The following ST6GALNAC5 variants were observed in gnomAD, a reference collection of about 807,000 sequenced individuals.
ST6GALNAC5 encodes the protein alpha-N-acetylgalactosaminide alpha-2,6-sialyltransferase 5.
ST6GALNAC5 carries 27 observed loss-of-function variants against 33.6 expected under a neutral mutation model. The ratio of observed to expected loss-of-function variants is 0.80; its 90% CI spans 0.59 to 1.11. The LOEUF is 1.11. Among genes scored for constraint, ST6GALNAC5 ranks in the 50% least tolerant of loss-of-function variants. ST6GALNAC5 has a pLI of 0.00. For synonymous variants in ST6GALNAC5, 194 were observed against 171.2 expected (o/e 1.13, Z -1.04); for missense variants, 428 against 454.0 (o/e 0.94, Z 0.52).
At chr1:77,054,338 G>C (rs942265642) in intron 4 of ST6GALNAC5, among the ~76,000 whole-genome samples, 1 of 152,200 alleles carries the variant, frequency 6.6e-6, no homozygotes, top group African/African-American at 2.4e-5. Context: ...AGGTGGCATA[G>C]GGATAAGGAG....
chr1:76,990,164 C>T (rs568665607), intron 2 of ST6GALNAC5, among the ~76,000 whole-genome samples: 12 of 152,202 alleles, frequency 7.9e-5, no homozygotes, highest in Middle Eastern at 3.4e-3. Flanking sequence ...GGCTGCATGA[C>T]GCAGCCATGA....
chr1:76,991,631 A>G (rs12401292), intron 2 of ST6GALNAC5, among the ~76,000 whole-genome samples: 61,638 of 151,898 alleles, frequency 0.41, 13,272 homozygotes, highest in Non-Finnish European at 0.47. Context: ...AACTTTTTCT[A>G]TTCTTTGACA....
At chr1:77,013,454 G>T (rs533377194) in intron 2 of ST6GALNAC5, among the ~76,000 whole-genome samples, 1 of 152,144 alleles carries the variant, frequency 6.6e-6, no homozygotes, top group East Asian at 1.9e-4. Flanking sequence ...TTGATTTTAC[G>T]TATCGTCTTT....
rs145175104 is a variant in ST6GALNAC5 at position 77,066,319 on chromosome 1, GTC to G, written c.*3118_*3119del. Among the ~76,000 whole-genome samples, 27 of 152,132 alleles carry G rather than the reference GTC, an allele frequency of 1.8e-4. No homozygotes were observed. The East Asian group carries it at 5.2e-3, about 29-fold the overall frequency. ...TGTACCTAAAAGAGAAATTTGTGTG[GTC>G]TCTCACAATCCTTAGGTTACTACCA... On this transcript the variant is annotated 3_prime_UTR_variant, in exon 5 of 5. Coordinates refer to ENST00000477717, the MANE Select transcript of ST6GALNAC5 (RefSeq NM_030965.3).
intron 2 of ST6GALNAC5, among the ~76,000 whole-genome samples, chr1:76,897,255 G>C (rs1654166629): frequency 1.3e-5 from 2 of 152,152 alleles, no homozygotes; most frequent in Non-Finnish European, 2.9e-5. Flanking sequence ...AAGCAGGTTT[G>C]AGATCTGGAA....
rs572285723 is a variant in ST6GALNAC5, at chr1:76,868,364, C to T, written c.16-133C>T. On this transcript the variant is annotated intron_variant, in intron 1 of 4. Coordinates refer to ENST00000477717, the MANE Select transcript of ST6GALNAC5 (RefSeq NM_030965.3). This position sits in a 1 kb window ranked among gnomAD's most constrained non-coding sequence, Gnocchi z 4.3. ...GTGCTTTCTCTGTCCCAGTTGCGTGCGGCGGGGCTGGGGCCCAGGCCGCCC... is the reference window on the plus strand; with the variant it reads ...GTGCTTTCTCTGTCCCAGTTGCGTGTGGCGGGGCTGGGGCCCAGGCCGCCC... 2.2e-5 allele frequency: 29 copies of T among 1,335,826 alleles called. No homozygotes were observed. The African/African-American group carries it at 3.9e-4, about 18-fold the overall frequency. 82.7% of individuals were successfully genotyped at this position (1,335,826 alleles called of 1,614,324 possible).
chr1:77,027,756 T>C (rs1226538369), intron 2 of ST6GALNAC5, among the ~76,000 whole-genome samples: 1 of 152,162 alleles, frequency 6.6e-6, no homozygotes, highest in Non-Finnish European at 1.5e-5. Context: ...GCTTTAGACG[T>C]GTTTGGTGGT....
chr1:77,055,055 C>T (rs1008272473), intron 4 of ST6GALNAC5, among the ~76,000 whole-genome samples: 2 of 151,922 alleles, frequency 1.3e-5, no homozygotes, highest in African/African-American at 4.8e-5. Flanking sequence ...CTCTCCATCA[C>T]TTGTCTTCTT....
At chr1:76,944,242 T>C (rs917482894) in intron 2 of ST6GALNAC5, among the ~76,000 whole-genome samples, 1 of 152,138 alleles carries the variant, frequency 6.6e-6, no homozygotes, top group Admixed American at 6.6e-5. Flanking sequence ...TTTCTTTTTA[T>C]TATTTTAAAG....
intron 2 of ST6GALNAC5, among the ~76,000 whole-genome samples, chr1:76,998,041 C>A (rs1165549606): frequency 6.6e-6 from 1 of 152,130 alleles, no homozygotes; most frequent in African/African-American, 2.4e-5. Context: ...TGCTGCCCTG[C>A]GAAGAGGTGC....
At position 77,027,429 on chromosome 1, in the gene ST6GALNAC5, A is replaced by G. The variant is rs1651289245; in HGVS notation, c.262-16775A>G. Among the ~76,000 whole-genome samples the G allele has an allele frequency of 2.6e-5, 4 of 152,182 alleles. No homozygotes were observed. The South Asian group carries it at 8.3e-4, about 32-fold the overall frequency. On this transcript the variant is annotated intron_variant, in intron 2 of 4. Coordinates refer to ENST00000477717, the MANE Select transcript of ST6GALNAC5 (RefSeq NM_030965.3). ...TGTTGAAAACTGTGCCAAGCTCTGT[A>G]AATAAGACAACATCCCAAGGCAAGG...
At chr1:76,955,054 G>A (rs993606288) in intron 2 of ST6GALNAC5, among the ~76,000 whole-genome samples, 2 of 152,206 alleles carry the variant, frequency 1.3e-5, no homozygotes, top group Middle Eastern at 3.4e-3. Flanking sequence ...GGTGGACAGT[G>A]AACAAATAAG....
chr1:76,964,302 G>C (rs1467589245), intron 2 of ST6GALNAC5, among the ~76,000 whole-genome samples: 2 of 152,078 alleles, frequency 1.3e-5, no homozygotes, highest in African/African-American at 4.8e-5. Context: ...TTCCAGTTCT[G>C]TCCTTCCACA....
intron 2 of ST6GALNAC5, among the ~76,000 whole-genome samples, chr1:76,993,804 A>T (rs1272102243): frequency 2.0e-5 from 3 of 152,138 alleles, no homozygotes; most frequent in Admixed American, 1.3e-4. Context: ...TCTTTCATTA[A>T]GCTTGCCCTG....
intron 2 of ST6GALNAC5, among the ~76,000 whole-genome samples, chr1:76,984,512 G>A (rs1156350033): frequency 3.3e-5 from 5 of 152,122 alleles, no homozygotes; most frequent in Admixed American, 2.6e-4. Flanking sequence ...CTGAAATTGA[G>A]GCAATAATTA....
intron 2 of ST6GALNAC5, among the ~76,000 whole-genome samples, chr1:76,929,665 G>T (rs975754090): frequency 1.7e-4 from 26 of 152,286 alleles, no homozygotes; most frequent in Middle Eastern, 3.4e-3. Context: ...TAACACTGCA[G>T]TGTGCTAGGT....
chr1:76,868,693 C>T lies in ST6GALNAC5; in HGVS notation c.212C>T (p.Pro71Leu). The change falls in exon 2 of 5, where the codon CCC (proline) becomes CTC (leucine). Residue 71 changes from proline (P) to leucine (L), a missense_variant. By Grantham distance (98) the Pro-to-Leu change is moderately conservative (BLOSUM62 -3). Coordinates refer to ENST00000477717, the MANE Select transcript of ST6GALNAC5 (RefSeq NM_030965.3). This position sits in a 1 kb window ranked among gnomAD's most constrained non-coding sequence, Gnocchi z 4.3. ...ESSTQQRPGV[P>L]AGPRPLDGYL... ...AGCACCCAGCAGCGCCCCGGGGTCC[C>T]CGCGGGACCGCGGCCACTGGACGGA... The T allele has an allele frequency of 1.3e-6, 2 of 1,539,000 alleles. No homozygotes were observed. The highest frequency in any genetic ancestry group is 4.2e-5 in the Admixed American group (2 of 47,882).
At chr1:76,929,325 G>A (rs992055776) in intron 2 of ST6GALNAC5, among the ~76,000 whole-genome samples, 1 of 152,116 alleles carries the variant, frequency 6.6e-6, no homozygotes, top group Non-Finnish European at 1.5e-5. Context: ...AGGATGGCTT[G>A]AGCCTAGAAG....
chr1:76,922,720 T>C (rs1647045473), intron 2 of ST6GALNAC5, among the ~76,000 whole-genome samples: 1 of 151,972 alleles, frequency 6.6e-6, no homozygotes, highest in African/African-American at 2.4e-5. Context: ...TGCAAAAGCT[T>C]TGCATAAGAA....
Sources: gnomAD v4.1 joint callset for allele counts (sites outside exome capture counted in the v4.1 genomes callset) on GRCh38, gnomAD v4.1.1 for gene constraint, Gnocchi (gnomAD v3.1) non-coding constraint, MANE v1.5 for transcripts, NCBI Gene and HGNC (gene_info 2026-07-23, HGNC 2026-07-21) for gene names.